Variants in TENM4 observed in about 807,000 individuals in gnomAD.
The protein encoded by TENM4 is teneurin-4.
Under a neutral mutation model 243.3 loss-of-function variants are expected in TENM4, and 82 were observed. The ratio of observed to expected loss-of-function variants is 0.34; its 90% CI spans 0.28 to 0.40. The LOEUF is 0.40. TENM4 is among the 10% of genes least tolerant of loss of function. TENM4 has a pLI of 1.00. For missense variants in TENM4, 3,138 were observed against 3,673.3 expected, an observed-to-expected ratio of 0.85 and a Z score of 3.77; for synonymous variants, 1,412 against 1,456.3, an observed-to-expected ratio of 0.97 and a Z score of 0.69.
chr11:79,052,104 A>G (rs1267791191), intron 6 of TENM4, among the ~76,000 whole-genome samples: 2 of 152,212 alleles, frequency 1.3e-5, no homozygotes, highest in African/African-American at 4.8e-5. Flanking sequence ...TATCTTTATA[A>G]CAGAGTGATT....
At chr11:78,842,994 A>G (rs1858298137) in intron 12 of TENM4, among the ~76,000 whole-genome samples, 2 of 151,878 alleles carry the variant, frequency 1.3e-5, no homozygotes, top group African/African-American at 4.8e-5. Context: ...GGTAACATAG[A>G]GAGGCCAGGC....
chr11:78,805,277 T>TGCCCCCCCACCCCACCCCCC lies in TENM4; in HGVS notation c.2179+14_2179+15insGGGGGGTGGGGTGGGGGGGC. On this transcript the variant is annotated intron_variant, in intron 15 of 33. Coordinates refer to ENST00000278550, the MANE Select transcript of TENM4 (RefSeq NM_001098816.3). ...CCCCTCCCTCTACCCATGCTTCTTC[T>TGCCCCCCCACCCCACCCCCC]CCCCCTGCATTTACCGATAGAACAG... The TGCCCCCCCACCCCACCCCCC allele has an allele frequency of 7.1e-7, 1 of 1,402,546 alleles. No homozygotes were observed. Among genetic ancestry groups the TGCCCCCCCACCCCACCCCCC allele is most frequent in the Non-Finnish European group, 9.7e-7 (1 of 1,033,112 alleles). 86.9% of individuals were successfully genotyped at this position (1,402,546 alleles called of 1,614,324 possible). A position where few individuals can be genotyped will look rare whatever the true frequency, so the allele number is the denominator to read the frequency against.
intron 17 of TENM4, among the ~76,000 whole-genome samples, chr11:78,777,747 T>A (rs985073203): frequency 6.6e-6 from 1 of 152,180 alleles, no homozygotes; most frequent in African/African-American, 2.4e-5. Context: ...TGTCCCTATC[T>A]GCAGAGCACA....
chr11:79,183,244 C>G (rs947684436), intron 3 of TENM4, among the ~76,000 whole-genome samples: 2 of 152,120 alleles, frequency 1.3e-5, no homozygotes, highest in Non-Finnish European at 2.9e-5. Context: ...AATGAGCTAT[C>G]AAGCCATGAA....
chr11:79,275,417 A>C (rs1156960143), intron 2 of TENM4, among the ~76,000 whole-genome samples: 2 of 152,222 alleles, frequency 1.3e-5, no homozygotes, highest in Non-Finnish European at 2.9e-5. Flanking sequence ...CAGGGCAAGC[A>C]TGTTTCTGTG....
rs1208762181 is a variant in TENM4, at chr11:78,891,245, T to G, written c.841A>C (p.Ser281Arg). The G allele has an allele frequency of 6.4e-7, 1 of 1,551,662 alleles. No homozygotes were observed. Among genetic ancestry groups the G allele is most frequent in the Non-Finnish European group, 8.7e-7 (1 of 1,147,006 alleles). The change falls in exon 8 of 34, where the codon AGT (serine) becomes CGT (arginine). Residue 281 changes from serine to arginine, a missense_variant. Ser to Arg is a moderately radical substitution (Grantham distance 110). Around this residue, in one of 2 missense-constraint regions of TENM4, gnomAD observed 671 missense variants for 614.1 expected, o/e 1.09. Coordinates refer to ENST00000278550, the MANE Select transcript of TENM4 (RefSeq NM_001098816.3). ...LGASRHDGAY[S>R]DGHFLFKPGG... The stretch of plus-strand genomic sequence containing the variant: ...AATGGGGATGTCACCTACCCGTCAC[T>G]GTAAGCCCCATCATGGCGGGAGGCG...
At chr11:79,347,214 C>T (rs1470190986) in intron 1 of TENM4, among the ~76,000 whole-genome samples, 1 of 152,168 alleles carries the variant, frequency 6.6e-6, no homozygotes, top group Non-Finnish European at 1.5e-5. Flanking sequence ...AATGTGTCTG[C>T]TACATAAATA....
At chr11:78,899,391 A>G (rs1288749656) in intron 7 of TENM4, among the ~76,000 whole-genome samples, 3 of 152,014 alleles carry the variant, frequency 2.0e-5, no homozygotes, top group Admixed American at 6.6e-5. Flanking sequence ...CCAGGAGTTC[A>G]AGACCATCCT....
intron 1 of TENM4, among the ~76,000 whole-genome samples, chr11:79,437,667 G>A (rs1859303872): frequency 6.6e-6 from 1 of 152,192 alleles, no homozygotes; most frequent in Non-Finnish European, 1.5e-5. Context: ...GGGGGAGGCG[G>A]GCCACGAGGG....
chr11:79,102,197 C>T (rs910093952), intron 4 of TENM4, among the ~76,000 whole-genome samples: 1 of 152,162 alleles, frequency 6.6e-6, no homozygotes, highest in Non-Finnish European at 1.5e-5. Context: ...CAGCAGTTAT[C>T]AATGTTAGTA....
At chr11:79,439,711 A>T (rs61150942) in intron 1 of TENM4, among the ~76,000 whole-genome samples, 12,735 of 150,960 alleles carry the variant, frequency 0.084, 582 homozygotes, top group East Asian at 0.11. Context: ...ACTACCTTCC[A>T]GTCTGCTCCT....
At chr11:78,823,201 T>C (rs1345509153) in intron 12 of TENM4, among the ~76,000 whole-genome samples, 1 of 152,140 alleles carries the variant, frequency 6.6e-6, no homozygotes, top group African/African-American at 2.4e-5. Flanking sequence ...TCCCGGGAAA[T>C]GCCTCGTCTT....
At chr11:79,050,651 T>C (rs2136935728) in intron 6 of TENM4, among the ~76,000 whole-genome samples, 1 of 152,342 alleles carries the variant, frequency 6.6e-6, no homozygotes, top group East Asian at 1.9e-4. Context: ...ATTTCCTTTT[T>C]GGAGGCACAT....
intron 6 of TENM4, among the ~76,000 whole-genome samples, chr11:79,023,351 G>A (rs1001369770): frequency 6.6e-6 from 1 of 152,104 alleles, no homozygotes; most frequent in African/African-American, 2.4e-5. Context: ...CCTGAGGTCA[G>A]GAGTTCAAGA....
chr11:78,946,841 C>T (rs1332515790), intron 6 of TENM4, among the ~76,000 whole-genome samples: 1 of 152,120 alleles, frequency 6.6e-6, no homozygotes, highest in East Asian at 1.9e-4. Context: ...GAAGTGGAGC[C>T]TCAAGATGTA....
At chr11:79,158,233 T>C (rs768779827) in intron 3 of TENM4, among the ~76,000 whole-genome samples, 37 of 152,218 alleles carry the variant, frequency 2.4e-4, no homozygotes, top group Non-Finnish European at 4.6e-4. Flanking sequence ...AAAATACTCA[T>C]AGACACTTAA....
chr11:78,787,174 A>G, intron 15 of TENM4, 91 bp from the exon 16 acceptor site: 1 of 1,383,532 alleles, frequency 7.2e-7, no homozygotes, highest in Non-Finnish European at 9.7e-7. Flanking sequence ...GAGAAAAACA[A>G]CAAGTATTGA....
chr11:79,380,371 A>G (rs1857976514), intron 1 of TENM4, among the ~76,000 whole-genome samples: 1 of 151,934 alleles, frequency 6.6e-6, no homozygotes, highest in Non-Finnish European at 1.5e-5. Flanking sequence ...TATGCTTCTG[A>G]ATGCTGGAGG....
At chr11:78,666,024 C>G (rs112689715) in intron 32 of TENM4, among the ~76,000 whole-genome samples, 4,074 of 150,120 alleles carry the variant, frequency 0.027, 108 homozygotes, top group Admixed American at 0.06. Context: ...ATCTCAGGAC[C>G]CTTGAAGAAA....
Sources: gnomAD v4.1 joint callset for allele counts (sites outside exome capture counted in the v4.1 genomes callset) on GRCh38, gnomAD v4.1.1 for gene constraint, gnomAD v4.1.1 regional missense constraint, MANE v1.5 for transcripts, NCBI Gene and HGNC (gene_info 2026-07-23, HGNC 2026-07-21) for gene names.